The following CLDN18 variants were observed in gnomAD, a reference collection of about 807,000 sequenced individuals.
The protein encoded by CLDN18 is claudin-18.
A neutral mutation model predicts 25.0 loss-of-function variants in CLDN18; 20 were observed. That is an observed-to-expected ratio of 0.80 (90% CI 0.56 to 1.16). The LOEUF (loss-of-function observed/expected upper bound fraction) is 1.16, where lower values mean the gene tolerates loss of function less well. Among genes scored for constraint, CLDN18 ranks in the 50% most tolerant of loss-of-function variants. The pLI is 0.00. For synonymous variants in CLDN18, 125 were observed against 135.6 expected, an observed-to-expected ratio of 0.92 and a Z score of 0.54; for missense variants, 297 against 345.4, an observed-to-expected ratio of 0.86 and a Z score of 1.11.
intron 1 of CLDN18, among the ~76,000 whole-genome samples, chr3:138,000,203 A>G (rs1465085703): frequency 6.6e-6 from 1 of 152,196 alleles, no homozygotes; most frequent in Non-Finnish European, 1.5e-5. Context: ...TCCCAAAAAT[A>G]TAAAAGAGTG....
chr3:138,014,814 C>A (rs540259876), intron 1 of CLDN18, among the ~76,000 whole-genome samples: 1 of 152,236 alleles, frequency 6.6e-6, no homozygotes, highest in East Asian at 1.9e-4. Context: ...ATACAAATAT[C>A]TATTTGATGA....
At chr3:138,000,198 A>G (rs953610434) in intron 1 of CLDN18, among the ~76,000 whole-genome samples, 3 of 152,202 alleles carry the variant, frequency 2.0e-5, no homozygotes, top group African/African-American at 7.2e-5. Flanking sequence ...ACCATTCCCA[A>G]AAATATAAAA....
At chr3:138,006,641 C>T (rs951926805), upstream of CLDN18, among the ~76,000 whole-genome samples, 1 of 152,120 alleles carries the variant, frequency 6.6e-6, no homozygotes, top group Non-Finnish European at 1.5e-5. Context: ...CTGCAGACCC[C>T]CATTCATTTT....
rs1942406621 is a variant in CLDN18 at position 138,032,263 on chromosome 3, CAG to C, written c.*1128_*1129del. 1 of 151,744 alleles carries C rather than the reference CAG, an allele frequency of 6.6e-6. No individual in the cohort carries two copies. The highest frequency in any genetic ancestry group is 2.4e-5 in the African/African-American group (1 of 41,272). 9.4% of individuals were successfully genotyped at this position (151,744 alleles called of 1,614,324 possible). On this transcript the variant is annotated 3_prime_UTR_variant, in exon 5 of 5. Coordinates refer to ENST00000183605, the MANE Select transcript of CLDN18 (RefSeq NM_016369.4). The stretch of plus-strand genomic sequence containing the variant: ...GGAGAAGCCCTGTCTCTACAAAATA[CAG>C]AGAGAAAAAATCAGCCAGTCATGGT...
chr3:138,003,952 A>G (rs964149630), intron 1 of CLDN18, among the ~76,000 whole-genome samples: 16 of 152,164 alleles, frequency 1.1e-4, no homozygotes, highest in Admixed American at 8.5e-4. Context: ...CAGGGGAATC[A>G]TTTGAAGTCA....
intron 1 of CLDN18, among the ~76,000 whole-genome samples, chr3:138,016,845 G>A (rs1389316436): frequency 6.6e-6 from 1 of 152,176 alleles, no homozygotes; most frequent in Non-Finnish European, 1.5e-5. Flanking sequence ...CCTAAGGTCA[G>A]GATTTCGAGA....
intron 1 of CLDN18, among the ~76,000 whole-genome samples, chr3:138,015,056 C>G (rs1477792721): frequency 2.0e-5 from 3 of 152,140 alleles, no homozygotes; most frequent in Admixed American, 6.5e-5. Context: ...ATCACTGGAG[C>G]TGGAGTTAGA....
chr3:138,012,002 A>T (rs1028231040), intron 1 of CLDN18, among the ~76,000 whole-genome samples: 1 of 151,922 alleles, frequency 6.6e-6, no homozygotes, highest in Non-Finnish European at 1.5e-5. Flanking sequence ...GCTAAGGTCA[A>T]CCTCCCCAGC....
At chr3:138,029,735 G>T in intron 3 of CLDN18, 62 bp from the exon 4 acceptor site, 5 of 966,652 alleles carry the variant, frequency 5.2e-6, no homozygotes, top group Non-Finnish European at 7.7e-6. Flanking sequence ...ACAGCCAGGT[G>T]CAGTGGGTGG....
chr3:138,010,541 C>A (rs1942124843), intron 1 of CLDN18, 96 bp downstream of exon 1: 1 of 1,475,034 alleles, frequency 6.8e-7, no homozygotes, highest in Admixed American at 1.9e-5. Flanking sequence ...TGGGTGAGGA[C>A]CCTGGCAGCT....
In CLDN18 at chr3:138,032,797, G is replaced by C. The variant is rs1484154227; in HGVS notation, c.*1656G>C. 6.6e-6 allele frequency: 1 copy of C among 152,198 alleles called. No homozygotes were observed. Among genetic ancestry groups the C allele is most frequent in the Non-Finnish European group, 1.5e-5 (1 of 68,052 alleles). 9.4% of individuals were successfully genotyped at this position (152,198 alleles called of 1,614,324 possible). On this transcript the variant is annotated 3_prime_UTR_variant, in exon 5 of 5. Transcript: ENST00000183605. ...GTTCACTTCTCTGAATTCACCTAGA[G>C]TGGTTGGACCATCAGATGTTTGGGC...
chr3:138,003,235 C>T (rs1451917556), intron 1 of CLDN18, among the ~76,000 whole-genome samples: 1 of 152,110 alleles, frequency 6.6e-6, no homozygotes, highest in Non-Finnish European at 1.5e-5. Flanking sequence ...CCTTCCATTG[C>T]CAAATGTCCT....
chr3:138,006,990 TG>T, upstream of CLDN18, among the ~76,000 whole-genome samples: 1 of 152,350 alleles, frequency 6.6e-6, no homozygotes, highest in East Asian at 1.9e-4. Context: ...GGGGGGGAAT[TG>T]CCATAGATGA....
At chr3:138,029,544 A>G (rs958368071) in intron 3 of CLDN18, among the ~76,000 whole-genome samples, 16 of 152,178 alleles carry the variant, frequency 1.1e-4, no homozygotes, top group Admixed American at 2.0e-4. Flanking sequence ...CACAGAGATA[A>G]GATTTATAAT....
At chr3:138,029,290 C>T (rs768306438) in intron 3 of CLDN18, among the ~76,000 whole-genome samples, 2 of 152,020 alleles carry the variant, frequency 1.3e-5, no homozygotes, top group Non-Finnish European at 2.9e-5. Flanking sequence ...GGATTACAGG[C>T]GTGCACCACC....
chr3:138,009,032 C>G (rs1283058573), upstream of CLDN18, among the ~76,000 whole-genome samples: 6 of 152,238 alleles, frequency 3.9e-5, 1 homozygote, highest in Admixed American at 3.3e-4. Context: ...AACATAACAC[C>G]TGATGTCTTC....
intron 1 of CLDN18, among the ~76,000 whole-genome samples, chr3:138,001,616 A>T (rs1942016953): frequency 6.6e-6 from 1 of 152,092 alleles, no homozygotes. Context: ...AACGAACCAG[A>T]TTGAATCTAC....
chr3:138,030,197 AGG>A lies in CLDN18; in HGVS notation c.614+293_614+294del, dbSNP rs545840482. The stretch of plus-strand genomic sequence containing the variant: ...CTCAACTAGGAGCAATTTCCCCCCC[AGG>A]GGATATCTGGCAACACGTGAAGACA... On this transcript the variant is annotated intron_variant, in intron 4 of 4. Transcript: ENST00000183605. 3.1e-3 allele frequency among the ~76,000 whole-genome samples: 465 copies of A among 152,342 alleles called. 3 individuals carry two copies. Among genetic ancestry groups the A allele is most frequent in the African/African-American group, 0.011 (439 of 41,580 alleles).
intron 1 of CLDN18, among the ~76,000 whole-genome samples, chr3:138,014,618 G>C (rs1449906895): frequency 6.6e-6 from 1 of 152,116 alleles, no homozygotes; most frequent in Non-Finnish European, 1.5e-5. Flanking sequence ...CCCCAGTTCT[G>C]CCTATCTGAG....
Sources: gnomAD v4.1 joint callset for allele counts (sites outside exome capture counted in the v4.1 genomes callset) on GRCh38, gnomAD v4.1.1 for gene constraint, MANE v1.5 for transcripts, NCBI Gene and HGNC (gene_info 2026-07-23, HGNC 2026-07-21) for gene names.